The following ARHGEF38 variants were observed in gnomAD, a reference collection of about 807,000 sequenced individuals.
ARHGEF38 encodes Rho guanine nucleotide exchange factor 38, also known as Rho guanine nucleotide exchange factor (GEF) 38.
A neutral mutation model predicts 79.9 loss-of-function variants in ARHGEF38; 79 were observed. The observed-to-expected ratio is 0.99, with a 90% CI of 0.82 to 1.19. ARHGEF38 has a LOEUF of 1.19. Ranked by LOEUF, ARHGEF38 falls within the 50% of genes most tolerant of loss-of-function variation. ARHGEF38 has a pLI of 0.00. For missense variants in ARHGEF38, 962 were observed against 907.2 expected (o/e 1.06, Z -0.78); for synonymous variants, 366 against 328.3 (o/e 1.11, Z -1.24).
chr4:105,583,573 C>T (rs541504851), intron 1 of ARHGEF38, among the ~76,000 whole-genome samples: 9 of 152,300 alleles, frequency 5.9e-5, no homozygotes, highest in South Asian at 2.1e-4. Flanking sequence ...AAATTGCACA[C>T]GTTTTAAGCT....
chr4:105,640,280 T>A (rs1729566063), intron 5 of ARHGEF38, among the ~76,000 whole-genome samples: 1 of 152,096 alleles, frequency 6.6e-6, no homozygotes, highest in Non-Finnish European at 1.5e-5. Flanking sequence ...AACCTTAAAG[T>A]GATTACTTAT....
chr4:105,666,103 C>A, intron 10 of ARHGEF38, 74 bp from the exon 11 acceptor site: 1 of 1,346,816 alleles, frequency 7.4e-7, no homozygotes, highest in Non-Finnish European at 9.7e-7. Context: ...CTGTTCATCA[C>A]AACTCAATAC....
At chr4:105,629,298 G>T (rs1029093274) in intron 3 of ARHGEF38, among the ~76,000 whole-genome samples, 1 of 152,132 alleles carries the variant, frequency 6.6e-6, no homozygotes, top group Non-Finnish European at 1.5e-5. Flanking sequence ...TAAGAATACA[G>T]CCTCTAATTC....
chr4:105,650,038 A>G (rs1730034436), intron 7 of ARHGEF38, among the ~76,000 whole-genome samples: 1 of 152,246 alleles, frequency 6.6e-6, no homozygotes, highest in African/African-American at 2.4e-5. Flanking sequence ...ATACATCAAG[A>G]AAACACCTAA....
intron 2 of ARHGEF38, among the ~76,000 whole-genome samples, chr4:105,608,150 T>C (rs939089390): frequency 2.0e-5 from 3 of 152,116 alleles, no homozygotes; most frequent in African/African-American, 7.2e-5. Context: ...CATACTATTT[T>C]CCATAATGGC....
rs1731199276 is a variant in ARHGEF38 at position 105,678,610 on chromosome 4, T to C, written c.*673T>C. The C allele has an allele frequency of 6.6e-6, 1 of 152,208 alleles. No homozygotes were observed. The highest frequency in any genetic ancestry group is 1.5e-5 in the Non-Finnish European group (1 of 68,030). 9.4% of individuals were successfully genotyped at this position (152,208 alleles called of 1,614,324 possible). A position where few individuals can be genotyped will look rare whatever the true frequency, so the allele number is the denominator to read the frequency against. ...GCCAGACATTGTTCTAAGTGCTTTA[T>C]ATGTAGTAACTTGTTTAATATTCAA... On this transcript the variant is annotated 3_prime_UTR_variant, in exon 14 of 14. Coordinates refer to ENST00000420470, the MANE Select transcript of ARHGEF38 (RefSeq NM_001242729.2).
At chr4:105,672,036 C>G (rs200095555) in intron 13 of ARHGEF38, among the ~76,000 whole-genome samples, 2 of 152,066 alleles carry the variant, frequency 1.3e-5, no homozygotes, top group Admixed American at 1.3e-4. Context: ...CTTTGGGTCT[C>G]TAAAGATCAT....
chr4:105,629,173 T>C (rs1309576424), intron 3 of ARHGEF38, among the ~76,000 whole-genome samples: 1 of 152,136 alleles, frequency 6.6e-6, no homozygotes, highest in East Asian at 1.9e-4. Flanking sequence ...AAACCCTAAA[T>C]TGTTTCTGAT....
At chr4:105,660,605 A>G (rs1730525331) in intron 10 of ARHGEF38, among the ~76,000 whole-genome samples, 1 of 152,028 alleles carries the variant, frequency 6.6e-6, no homozygotes, top group Non-Finnish European at 1.5e-5. Flanking sequence ...AAGCCCAGCT[A>G]ATTTTTGTGT....
intron 2 of ARHGEF38, 30 bp from the exon 3 acceptor site, chr4:105,613,354 C>G (rs73837072): frequency 1.9e-6 from 3 of 1,606,276 alleles, no homozygotes; most frequent in Middle Eastern, 1.7e-4. Flanking sequence ...CAGTGCTTCT[C>G]CATCAGCTCA....
At chr4:105,659,466 C>A (rs561333151) in intron 10 of ARHGEF38, 101 bp downstream of exon 10, 2 of 1,140,280 alleles carry the variant, frequency 1.8e-6, no homozygotes, top group African/African-American at 1.6e-5. Flanking sequence ...ACATGTATGC[C>A]GTGTGGTGTG....
intron 1 of ARHGEF38, among the ~76,000 whole-genome samples, chr4:105,575,498 G>C (rs1028120864): frequency 1.3e-5 from 2 of 151,966 alleles, no homozygotes; most frequent in African/African-American, 4.8e-5. Context: ...TTCTTGATGA[G>C]GTTATTTGTT....
chr4:105,605,453 A>G (rs1259862540), intron 2 of ARHGEF38, among the ~76,000 whole-genome samples: 3 of 152,026 alleles, frequency 2.0e-5, no homozygotes, highest in African/African-American at 7.2e-5. Flanking sequence ...CAAAGGGACT[A>G]ACATCTCTGT....
chr4:105,668,536 A>G (rs1163075961), intron 13 of ARHGEF38, among the ~76,000 whole-genome samples: 1 of 152,216 alleles, frequency 6.6e-6, no homozygotes, highest in Non-Finnish European at 1.5e-5. Flanking sequence ...GGTTCAGTAT[A>G]CTTAATGGTT....
At chr4:105,650,392 C>T (rs1247931050) in intron 7 of ARHGEF38, among the ~76,000 whole-genome samples, 1 of 152,166 alleles carries the variant, frequency 6.6e-6, no homozygotes, top group Non-Finnish European at 1.5e-5. Flanking sequence ...TTCTTACACA[C>T]CAAGCCAATA....
At chr4:105,616,067 G>A (rs148951473) in intron 3 of ARHGEF38, among the ~76,000 whole-genome samples, 64 of 152,242 alleles carry the variant, frequency 4.2e-4, no homozygotes, top group African/African-American at 1.4e-3. Context: ...AATGGGACAC[G>A]TTTTTACAGA....
intron 1 of ARHGEF38, among the ~76,000 whole-genome samples, chr4:105,580,802 T>C (rs1726749437): frequency 6.6e-6 from 1 of 152,084 alleles, no homozygotes; most frequent in Non-Finnish European, 1.5e-5. Context: ...AACCTCCACC[T>C]TCCTGGTTCA....
intron 1 of ARHGEF38, among the ~76,000 whole-genome samples, chr4:105,577,098 A>AT (rs1388937398): frequency 2.1e-4 from 2 of 9,640 alleles, no homozygotes; most frequent in East Asian, 0.022. Context: ...TTCTTTCTTT[A>AT]ATTTTTTTTA....
At chr4:105,625,942 C>G (rs1046849956) in intron 3 of ARHGEF38, among the ~76,000 whole-genome samples, 10 of 151,996 alleles carry the variant, frequency 6.6e-5, no homozygotes, top group Admixed American at 5.2e-4. Context: ...GTCTCTTTTT[C>G]TTCTATACCA....
Sources: gnomAD v4.1 joint callset for allele counts (sites outside exome capture counted in the v4.1 genomes callset) on GRCh38, gnomAD v4.1.1 for gene constraint, MANE v1.5 for transcripts, NCBI Gene and HGNC (gene_info 2026-07-23, HGNC 2026-07-21) for gene names.